GRAMD2B: variants seen among roughly 807,000 people sequenced by gnomAD.
The protein encoded by GRAMD2B is GRAM domain containing 2B, also known as GRAM domain-containing protein 2B.
GRAMD2B carries 41 observed loss-of-function variants against 59.2 expected under a neutral mutation model. The observed-to-expected ratio is 0.69, with a 90% confidence interval of 0.54 to 0.90. The LOEUF (loss-of-function observed/expected upper bound fraction) is 0.90, where lower values mean the gene tolerates loss of function less well. Ranked by LOEUF, GRAMD2B falls within the 40% of genes least tolerant of loss-of-function variation. GRAMD2B has a pLI of 0.00. For missense variants in GRAMD2B, 424 were observed against 500.5 expected (o/e 0.85, Z 1.46); for synonymous variants, 161 against 182.7 (o/e 0.88, Z 0.96).
chr5:126,407,187 C>T (rs1185303485), intron 1 of GRAMD2B, among the ~76,000 whole-genome samples: 1 of 151,976 alleles, frequency 6.6e-6, no homozygotes, highest in Non-Finnish European at 1.5e-5. Flanking sequence ...CAGGCAGATC[C>T]AAGGTTTTGG....
intron 1 of GRAMD2B, among the ~76,000 whole-genome samples, chr5:126,399,644 G>A (rs542424706): frequency 2.0e-5 from 3 of 152,272 alleles, no homozygotes; most frequent in Admixed American, 6.5e-5. Flanking sequence ...GTCTCAGGCA[G>A]TTCTTTATAG....
intron 1 of GRAMD2B, 106 bp from the exon 2 acceptor site, chr5:126,465,320 G>C: frequency 6.4e-7 from 1 of 1,572,986 alleles, no homozygotes; most frequent in African/African-American, 1.4e-5. Flanking sequence ...TATCAGTGAG[G>C]AATGAAAATC....
chr5:126,461,554 C>T (rs974788806), intron 1 of GRAMD2B, among the ~76,000 whole-genome samples: 1 of 152,174 alleles, frequency 6.6e-6, no homozygotes, highest in Non-Finnish European at 1.5e-5. Flanking sequence ...AATCCCAGCA[C>T]TTTGGGAGGC....
In GRAMD2B at chr5:126,423,707, G is replaced by A. The variant is rs1471889855; in HGVS notation, c.83+18G>A. On this transcript the variant is annotated intron_variant, in intron 1 of 13. Transcript: ENST00000285689. Reference sequence around the variant, plus strand: ...TCAGCCCAGTGAGTATTCTCAGCTGGGACCCATCCAAGGAGGTGGGAGGAG... The same window carrying A: ...TCAGCCCAGTGAGTATTCTCAGCTGAGACCCATCCAAGGAGGTGGGAGGAG... The A allele has an allele frequency of 1.5e-5, 24 of 1,594,864 alleles. No individual in the cohort carries two copies. Among genetic ancestry groups the A allele is most frequent in the African/African-American group, 4.1e-5 (3 of 73,644 alleles).
At chr5:126,485,646 T>C in intron 10 of GRAMD2B, 40 bp from the exon 11 acceptor site, 1 of 1,278,184 alleles carries the variant, frequency 7.8e-7, no homozygotes, top group Non-Finnish European at 1.1e-6. Context: ...AGAAGTGTGT[T>C]ATGGTTTTAA....
At chr5:126,394,123 A>T (rs1757117003) in intron 1 of GRAMD2B, among the ~76,000 whole-genome samples, 1 of 151,966 alleles carries the variant, frequency 6.6e-6, no homozygotes. Context: ...AAATACAAAA[A>T]AATTAGCCGG....
intron 12 of GRAMD2B, among the ~76,000 whole-genome samples, chr5:126,487,850 C>CTCCTCAG (rs1773240517): frequency 6.6e-6 from 1 of 152,210 alleles, no homozygotes; most frequent in African/African-American, 2.4e-5. Context: ...AGACCATGGG[C>CTCCTCAG]TCCTCAGTCT....
At chr5:126,411,334 T>C (rs930837555) in intron 1 of GRAMD2B, among the ~76,000 whole-genome samples, 2 of 152,130 alleles carry the variant, frequency 1.3e-5, no homozygotes, top group African/African-American at 4.8e-5. Flanking sequence ...TAGCTAGCTA[T>C]CCCAGCACCA....
intron 1 of GRAMD2B, among the ~76,000 whole-genome samples, chr5:126,437,843 A>G (rs1354977473): frequency 6.6e-6 from 1 of 152,210 alleles, no homozygotes; most frequent in Non-Finnish European, 1.5e-5. Context: ...TAGTAGCATG[A>G]TGAGCATGAG....
intron 1 of GRAMD2B, among the ~76,000 whole-genome samples, chr5:126,397,153 C>A (rs2149732662): frequency 6.6e-6 from 1 of 152,252 alleles, no homozygotes; most frequent in Non-Finnish European, 1.5e-5. Flanking sequence ...TTGATAGTTT[C>A]TTAAAGGGAA....
chr5:126,480,799 G>C (rs1019075854), intron 8 of GRAMD2B, 92 bp downstream of exon 8: 1 of 1,159,496 alleles, frequency 8.6e-7, no homozygotes, highest in African/African-American at 1.5e-5. Flanking sequence ...GGTGTGGGAA[G>C]AGCTTAGGAC....
intron 8 of GRAMD2B, 81 bp downstream of exon 8, chr5:126,480,788 G>A: frequency 7.7e-7 from 1 of 1,299,128 alleles, no homozygotes; most frequent in Non-Finnish European, 1.1e-6. Flanking sequence ...ACCATGACCA[G>A]GGTGTGGGAA....
intron 1 of GRAMD2B, among the ~76,000 whole-genome samples, chr5:126,408,068 T>A (rs1396821728): frequency 1.3e-5 from 2 of 151,996 alleles, no homozygotes; most frequent in Non-Finnish European, 2.9e-5. Context: ...CTGAGCATAG[T>A]CCCCAGAGGT....
Position 126,434,135 on chromosome 5 carries a change from A to C in GRAMD2B, c.83+10446A>C, listed in dbSNP as rs181669371. 6.5e-4 allele frequency: 99 copies of C among 152,338 alleles called. 2 individuals carry two copies. The highest frequency in any genetic ancestry group is 2.3e-3 in the African/African-American group (94 of 41,584). 9.4% of individuals were successfully genotyped at this position (152,338 alleles called of 1,614,324 possible). A position where few individuals can be genotyped will look rare whatever the true frequency, so the allele number is the denominator to read the frequency against. ...GACTGAGTTTCTGGCAATACTTAACAAACTAATTTCTATACATCCAATTCA... is the reference window on the plus strand; with the variant it reads ...GACTGAGTTTCTGGCAATACTTAACCAACTAATTTCTATACATCCAATTCA... On this transcript the variant is annotated intron_variant, in intron 1 of 13. Transcript: ENST00000285689.
intron 1 of GRAMD2B, among the ~76,000 whole-genome samples, chr5:126,401,606 C>A (rs1437922598): frequency 1.3e-5 from 2 of 151,974 alleles, no homozygotes; most frequent in Non-Finnish European, 2.9e-5. Flanking sequence ...GAGAGAAAGA[C>A]CTTTACCAGT....
At chr5:126,369,806 T>A (rs1754647746), upstream of GRAMD2B, among the ~76,000 whole-genome samples, 1 of 152,150 alleles carries the variant, frequency 6.6e-6, no homozygotes, top group African/African-American at 2.4e-5. Flanking sequence ...AGACAGAGAG[T>A]AACAGACTAC....
chr5:126,387,238 G>C (rs1421465590), intron 1 of GRAMD2B, among the ~76,000 whole-genome samples: 1 of 148,376 alleles, frequency 6.7e-6, no homozygotes, highest in Non-Finnish European at 1.5e-5. Context: ...CACCAATACT[G>C]AGCTAAGTGG....
At chr5:126,394,070 C>G (rs572946011) in intron 1 of GRAMD2B, among the ~76,000 whole-genome samples, 10 of 152,016 alleles carry the variant, frequency 6.6e-5, no homozygotes, top group South Asian at 2.1e-4. Context: ...GTGAGGAGAT[C>G]GAGACCATCC....
At chr5:126,360,570 T>C in intron 1 of GRAMD2B, 2 of 1,055,324 alleles carry the variant, frequency 1.9e-6, no homozygotes, top group Non-Finnish European at 2.7e-6. Context: ...ACATGGAGAA[T>C]GTCTTTGATT....
Sources: allele counts gnomAD v4.1 joint callset (sites outside exome capture counted in the v4.1 genomes callset), GRCh38; gene constraint gnomAD v4.1.1; transcripts MANE v1.5; gene names NCBI Gene and HGNC (gene_info 2026-07-23, HGNC 2026-07-21).